Variants in PGAM5 observed in about 807,000 individuals in gnomAD.
PGAM5 encodes serine/threonine-protein phosphatase PGAM5, mitochondrial.
Under a neutral mutation model 30.6 loss-of-function variants are expected in PGAM5, and 25 were observed. The ratio of observed to expected loss-of-function variants is 0.82; its 90% confidence interval spans 0.60 to 1.14. The LOEUF (loss-of-function observed/expected upper bound fraction) is 1.14. PGAM5 is among the 50% of genes most tolerant of loss of function. The pLI is 0.00. For missense variants in PGAM5, 384 were observed against 408.5 expected, an observed-to-expected ratio of 0.94 and a Z score of 0.52; for synonymous variants, 201 against 179.1, an observed-to-expected ratio of 1.12 and a Z score of -0.98.
At chr12:132,717,932 G>C (rs1360559122) in intron 4 of PGAM5, 55 bp from the exon 5 acceptor site, 2 of 1,607,666 alleles carry the variant, frequency 1.2e-6, no homozygotes, top group Non-Finnish European at 1.7e-6. Flanking sequence ...CTGTCCTCCT[G>C]ACACCCGCCC....
At chr12:132,719,639 G>C (rs1000520795) in intron 5 of PGAM5, among the ~76,000 whole-genome samples, 1 of 152,218 alleles carries the variant, frequency 6.6e-6, no homozygotes, top group Non-Finnish European at 1.5e-5. Flanking sequence ...AGAAATAACC[G>C]GGGCGGGAGA....
At chr12:132,719,306 C>T (rs1036085867) in intron 5 of PGAM5, 32 of 990,662 alleles carry the variant, frequency 3.2e-5, no homozygotes, top group Non-Finnish European at 3.9e-5. Context: ...GGGCCCTGGT[C>T]TCTGCCCGTC....
chr12:132,712,542 C>T (rs1307093116), intron 1 of PGAM5, among the ~76,000 whole-genome samples: 4 of 152,088 alleles, frequency 2.6e-5, no homozygotes, highest in South Asian at 2.1e-4. Context: ...CTGCAACCTC[C>T]GCCTCCCGGG....
At chr12:132,712,660 C>T (rs183653226) in intron 1 of PGAM5, among the ~76,000 whole-genome samples, 2 of 151,810 alleles carry the variant, frequency 1.3e-5, no homozygotes, top group South Asian at 2.1e-4. Context: ...TTCTCCATGT[C>T]GGTCAGGCTG....
chr12:132,713,008 A>T (rs541006840), intron 1 of PGAM5, among the ~76,000 whole-genome samples: 71 of 152,068 alleles, frequency 4.7e-4, no homozygotes, highest in African/African-American at 1.6e-3. Flanking sequence ...AAATACAAAA[A>T]AATTAGCCAG....
At chr12:132,715,708 G>A (rs917218759) in intron 2 of PGAM5, among the ~76,000 whole-genome samples, 2 of 152,224 alleles carry the variant, frequency 1.3e-5, no homozygotes, top group Admixed American at 6.5e-5. Flanking sequence ...GCGAAACCTC[G>A]TCACTACTAA....
chr12:132,718,951 A>G, intron 5 of PGAM5: 1 of 1,518,384 alleles, frequency 6.6e-7, no homozygotes, highest in Non-Finnish European at 8.8e-7. Flanking sequence ...CTTGTCCCTC[A>G]ACCTGCTCTG....
intron 4 of PGAM5, 84 bp downstream of exon 4, chr12:132,717,882 G>T: frequency 1.3e-6 from 2 of 1,595,254 alleles, no homozygotes; most frequent in African/African-American, 1.3e-5. Context: ...TCCACCACGT[G>T]CCCGGCCGTC....
intron 1 of PGAM5, 155 bp downstream of exon 1, chr12:132,711,222 C>T (rs2043518763): frequency 1.8e-6 from 1 of 550,136 alleles, no homozygotes; most frequent in Non-Finnish European, 2.6e-6. Context: ...TTTCCGGGGC[C>T]GCTCTGCGCG....
At chr12:132,716,254 T>A (rs1438140317) in intron 2 of PGAM5, among the ~76,000 whole-genome samples, 1 of 152,074 alleles carries the variant, frequency 6.6e-6, no homozygotes, top group East Asian at 1.9e-4. Context: ...CCCAGCTATT[T>A]TTTTGTATTT....
Position 132,717,476 on chromosome 12 carries a change from A to C in PGAM5, c.408A>C (p.Ala136=), listed in dbSNP as rs1417216048. The C allele has an allele frequency of 6.2e-7, 1 of 1,609,822 alleles. No individual in the cohort carries two copies. The highest frequency in any genetic ancestry group is 1.6e-4 in the Middle Eastern group (1 of 6,062). The change falls in exon 3 of 6, where the codon GCA becomes GCC. Residue 136 remains alanine (A), a synonymous_variant. Coordinates refer to ENST00000498926, the MANE Select transcript of PGAM5 (RefSeq NM_001170543.2). ...EQAELTGLRL[A]SLGLKFNKIV... ...CTGAACTCACTGGGCTCCGCCTGGC[A>C]AGCTTGGGGTTGAAGTTTAATAAAA...
intron 1 of PGAM5, among the ~76,000 whole-genome samples, chr12:132,713,875 C>T (rs1200476199): frequency 6.6e-6 from 1 of 152,074 alleles, no homozygotes; most frequent in South Asian, 2.1e-4. Context: ...CCCTGTGTTG[C>T]CCAGGCTAGT....
chr12:132,715,607 G>A (rs1404747199), intron 2 of PGAM5, among the ~76,000 whole-genome samples: 5 of 147,996 alleles, frequency 3.4e-5, no homozygotes, highest in Non-Finnish European at 7.4e-5. Context: ...GGCCAGGCAC[G>A]GTGGCTCACG....
At chr12:132,716,787 G>C (rs1447979425) in intron 2 of PGAM5, among the ~76,000 whole-genome samples, 2 of 152,218 alleles carry the variant, frequency 1.3e-5, no homozygotes, top group Non-Finnish European at 2.9e-5. Context: ...AGTTCAGATA[G>C]TAAAAATGTG....
chr12:132,719,293 G>A, intron 5 of PGAM5: 1 of 1,019,790 alleles, frequency 9.8e-7, no homozygotes, highest in Non-Finnish European at 1.2e-6. Flanking sequence ...GCCGTGTGAG[G>A]CTGGGCCCTG....
chr12:132,720,922 G>C lies in PGAM5; in HGVS notation c.*94G>C. The C allele has an allele frequency of 7.2e-7, 1 of 1,390,332 alleles. No homozygotes were observed. The highest frequency in any genetic ancestry group is 9.6e-7 in the Non-Finnish European group (1 of 1,046,878). 86.1% of individuals were successfully genotyped at this position (1,390,332 alleles called of 1,614,324 possible). On this transcript the variant is annotated 3_prime_UTR_variant, in exon 6 of 6. Transcript: ENST00000498926. Reference sequence around the variant, plus strand: ...GGAGACCGGCGGAAAGTAGAAACCTGCAATGCTGCATCTGGGAACTGACTT... The same window carrying C: ...GGAGACCGGCGGAAAGTAGAAACCTCCAATGCTGCATCTGGGAACTGACTT...
In PGAM5 at chr12:132,711,028, C is replaced by G; in HGVS notation, c.152C>G (p.Ala51Gly). ...PAEPPAWAGG[A>G]RPGPGVWDPN... is the part of the protein sequence containing the mutation. ...GAGCCGCCGGCCTGGGCGGGGGGCG[C>G]GCGGCCGGGCCCCGGTGTCTGGGAC... The change falls in exon 1 of 6, where the codon GCG (alanine) becomes GGG (glycine). Residue 51 changes from alanine to glycine, a missense_variant. Transcript: ENST00000498926. 3 of 1,215,128 alleles carry G rather than the reference C, an allele frequency of 2.5e-6. No individual in the cohort carries two copies. The highest frequency in any genetic ancestry group is 3.1e-6 in the Non-Finnish European group (3 of 977,578). The allele number at this position is 1,215,128 out of a possible 1,614,324, so 75.3% of individuals were successfully genotyped here. A position where few individuals can be genotyped will look rare whatever the true frequency, so the allele number is the denominator to read the frequency against.
At chr12:132,716,472 G>A (rs1208868008) in intron 2 of PGAM5, among the ~76,000 whole-genome samples, 2 of 150,662 alleles carry the variant, frequency 1.3e-5, no homozygotes, top group African/African-American at 2.4e-5. Context: ...CTCGTAATCC[G>A]CCCGCCTTGG....
At chr12:132,720,381 C>T (rs2043631331) in intron 5 of PGAM5, among the ~76,000 whole-genome samples, 1 of 151,396 alleles carries the variant, frequency 6.6e-6, no homozygotes, top group Non-Finnish European at 1.5e-5. Context: ...GATCTCAGCT[C>T]ACTGCAAGCT....
Sources: gnomAD v4.1 joint callset for allele counts (sites outside exome capture counted in the v4.1 genomes callset) on GRCh38, gnomAD v4.1.1 for gene constraint, MANE v1.5 for transcripts, NCBI Gene and HGNC (gene_info 2026-07-23, HGNC 2026-07-21) for gene names.